MARK3: variants seen among roughly 807,000 people sequenced by gnomAD.
MARK3 encodes MAP/microtubule affinity-regulating kinase 3.
Under a neutral mutation model 90.1 loss-of-function variants are expected in MARK3, and 46 were observed. The observed-to-expected ratio is 0.51, with a 90% CI of 0.40 to 0.65. The LOEUF (loss-of-function observed/expected upper bound fraction) is 0.65, where lower values mean the gene tolerates loss of function less well. Among genes scored for constraint, MARK3 ranks in the 30% least tolerant of loss-of-function variants. The pLI is 0.00. For missense variants in MARK3, 818 were observed against 947.2 expected, an observed-to-expected ratio of 0.86 and a Z score of 1.79; for synonymous variants, 321 against 332.6, an observed-to-expected ratio of 0.97 and a Z score of 0.38.
intron 2 of MARK3, among the ~76,000 whole-genome samples, chr14:103,425,705 T>C (rs2092381654): frequency 6.6e-6 from 1 of 152,248 alleles, no homozygotes; most frequent in Admixed American, 6.5e-5. Flanking sequence ...CAGTTTCCAC[T>C]GAAACTTATG....
chr14:103,398,685 A>G (rs2090745259), intron 1 of MARK3, among the ~76,000 whole-genome samples: 1 of 152,208 alleles, frequency 6.6e-6, no homozygotes. Context: ...GAGTTTTTAA[A>G]TTATAAATTG....
At chr14:103,478,950 G>T (rs2093768594) in intron 13 of MARK3, among the ~76,000 whole-genome samples, 1 of 152,074 alleles carries the variant, frequency 6.6e-6, no homozygotes, top group Non-Finnish European at 1.5e-5. Context: ...TCCATGTATT[G>T]GTTAAAATGA....
At chr14:103,482,255 T>G (rs2093838693) in intron 14 of MARK3, among the ~76,000 whole-genome samples, 1 of 151,746 alleles carries the variant, frequency 6.6e-6, no homozygotes. Context: ...GCACAGTGGC[T>G]CACACCTGTA....
At chr14:103,386,376 G>A (rs1348344937) in intron 1 of MARK3, 4 of 676,894 alleles carry the variant, frequency 5.9e-6, no homozygotes, top group South Asian at 1.5e-5. Flanking sequence ...GCCGCGCAAT[G>A]GATTGTGCAA....
intron 6 of MARK3, among the ~76,000 whole-genome samples, chr14:103,460,779 G>T (rs1376367364): frequency 6.6e-6 from 1 of 152,212 alleles, no homozygotes; most frequent in Admixed American, 6.5e-5. Flanking sequence ...AAATTTACCT[G>T]TGTCCTAGGT....
chr14:103,434,933 C>G (rs2092679133), intron 3 of MARK3, among the ~76,000 whole-genome samples: 1 of 152,182 alleles, frequency 6.6e-6, no homozygotes, highest in African/African-American at 2.4e-5. Context: ...GACACCTACC[C>G]AGGAAGAGGG....
At chr14:103,443,658 A>G (rs1314318266) in intron 3 of MARK3, among the ~76,000 whole-genome samples, 1 of 152,174 alleles carries the variant, frequency 6.6e-6, no homozygotes, top group African/African-American at 2.4e-5. Flanking sequence ...TCGTCTTTAA[A>G]ATAGGTTACC....
chr14:103,385,701 A>T lies in MARK3; in HGVS notation c.-329A>T, dbSNP rs2089732870. 2.3e-5 allele frequency: 6 copies of T among 257,416 alleles called. No individual in the cohort carries two copies. The South Asian group carries it at 4.8e-4, about 21-fold the overall frequency. 15.9% of individuals were successfully genotyped at this position (257,416 alleles called of 1,614,324 possible). Reference sequence around the variant, plus strand: ...ACGGGAGGGAGTGGAGAAGGAGGTGAGGGGGCCCAGGATCGCGGGGCGCCC... The same window carrying T: ...ACGGGAGGGAGTGGAGAAGGAGGTGTGGGGGCCCAGGATCGCGGGGCGCCC... On this transcript the variant is annotated 5_prime_UTR_variant, in exon 1 of 18. Coordinates refer to ENST00000429436, the MANE Select transcript of MARK3 (RefSeq NM_001128918.3).
chr14:103,501,624 C>T (rs184560837), intron 17 of MARK3, among the ~76,000 whole-genome samples: 72 of 152,180 alleles, frequency 4.7e-4, no homozygotes, highest in Admixed American at 7.9e-4. Context: ...AGGCCCACCC[C>T]CACCCGTGCT....
chr14:103,465,815 T>G, intron 8 of MARK3, 22 bp downstream of exon 8: 1 of 1,590,682 alleles, frequency 6.3e-7, no homozygotes, highest in Non-Finnish European at 8.6e-7. Context: ...TGCACCCATG[T>G]ACTTCACTAA....
intron 14 of MARK3, among the ~76,000 whole-genome samples, chr14:103,485,301 G>A (rs1016651660): frequency 1.4e-5 from 2 of 142,702 alleles, no homozygotes; most frequent in East Asian, 4.0e-4. Flanking sequence ...CTTGCAGTGT[G>A]GCCCAGGCTG....
intron 15 of MARK3, among the ~76,000 whole-genome samples, chr14:103,492,680 T>A (rs186662005): frequency 6.6e-6 from 1 of 152,336 alleles, no homozygotes; most frequent in Admixed American, 6.5e-5. Context: ...GGAAATTTTT[T>A]AAAATGTTCC....
chr14:103,422,942 A>C (rs1484622718), intron 2 of MARK3, among the ~76,000 whole-genome samples: 1 of 152,138 alleles, frequency 6.6e-6, no homozygotes, highest in Non-Finnish European at 1.5e-5. Flanking sequence ...TAGAAGGTTA[A>C]GTGAAGTCGT....
At chr14:103,474,773 AAT>A (rs974661321) in intron 12 of MARK3, among the ~76,000 whole-genome samples, 18 of 152,172 alleles carry the variant, frequency 1.2e-4, no homozygotes, top group Non-Finnish European at 2.6e-4. Context: ...TTAAAAAAAA[AAT>A]GTTTTAAGTA....
intron 2 of MARK3, among the ~76,000 whole-genome samples, chr14:103,411,138 G>T (rs960895872): frequency 7.2e-5 from 11 of 152,018 alleles, no homozygotes; most frequent in Non-Finnish European, 1.5e-4. Context: ...GCTGGGCATG[G>T]TGGCGGGCGC....
chr14:103,449,975 CCA>C (rs1320357997), intron 4 of MARK3, among the ~76,000 whole-genome samples: 1 of 152,126 alleles, frequency 6.6e-6, no homozygotes, highest in Non-Finnish European at 1.5e-5. Flanking sequence ...CACAGAACCA[CCA>C]CAGGAAGAAA....
chr14:103,401,474 G>A (rs2090961861), intron 1 of MARK3, among the ~76,000 whole-genome samples: 1 of 152,168 alleles, frequency 6.6e-6, no homozygotes, highest in African/African-American at 2.4e-5. Flanking sequence ...CACCAAGTCT[G>A]CTTGAGGGCT....
intron 4 of MARK3, among the ~76,000 whole-genome samples, 162 bp downstream of exon 4, chr14:103,449,129 G>A (rs1213100377): frequency 3.3e-5 from 5 of 151,938 alleles, no homozygotes; most frequent in African/African-American, 9.6e-5. Context: ...CTGAAGACAG[G>A]TTAAAAGCTT....
At chr14:103,447,580 C>T (rs1295809721) in intron 3 of MARK3, among the ~76,000 whole-genome samples, 1 of 152,128 alleles carries the variant, frequency 6.6e-6, no homozygotes, top group East Asian at 1.9e-4. Context: ...TCTTTCTTTT[C>T]CTGGTTTCCT....
Sources: gnomAD v4.1 joint callset for allele counts (sites outside exome capture counted in the v4.1 genomes callset) on GRCh38, gnomAD v4.1.1 for gene constraint, MANE v1.5 for transcripts, NCBI Gene and HGNC (gene_info 2026-07-23, HGNC 2026-07-21) for gene names.